Variants in RALGPS2 observed in about 807,000 individuals in gnomAD.
RALGPS2 encodes Ral GEF with PH domain and SH3 binding motif 2, also known as ras-specific guanine nucleotide-releasing factor RalGPS2.
Under a neutral mutation model 86.8 loss-of-function variants are expected in RALGPS2, and 43 were observed. That is an observed-to-expected ratio of 0.50 (90% CI 0.39 to 0.64). The LOEUF is 0.64. RALGPS2 is among the 30% of genes least tolerant of loss of function. The pLI, the probability that RALGPS2 is intolerant of heterozygous loss-of-function variation, is 0.00. For missense variants in RALGPS2, 536 were observed against 694.6 expected (o/e 0.77, Z 2.57); for synonymous variants, 243 against 231.3 (o/e 1.05, Z -0.46).
chr1:178,773,979 G>A lies in RALGPS2; in HGVS notation c.-83-2703G>A, dbSNP rs528149016. Among the ~76,000 whole-genome samples, 8 of 152,280 alleles carry A rather than the reference G, an allele frequency of 5.3e-5. No homozygotes were observed. In the East Asian group the frequency reaches 9.6e-4, roughly 18 times the overall value. On this transcript the variant is annotated intron_variant, in intron 1 of 19. Transcript: ENST00000367635. Reference sequence around the variant, plus strand: ...GAGAAGGCCAGGTGCAGTGGCTGACGCCTGTAATCCCAGCACTTTGGGAGG... The same window carrying A: ...GAGAAGGCCAGGTGCAGTGGCTGACACCTGTAATCCCAGCACTTTGGGAGG...
chr1:178,747,331 T>G, intron 1 of RALGPS2: 7 of 1,519,930 alleles, frequency 4.6e-6, no homozygotes, highest in East Asian at 2.3e-5. Flanking sequence ...GAAAGTGAGA[T>G]ATTGTTCTGG....
At chr1:178,784,027 G>A (rs4652324) in intron 2 of RALGPS2, among the ~76,000 whole-genome samples, 70,734 of 151,908 alleles carry the variant, frequency 0.47, 17,746 homozygotes, top group African/African-American at 0.65. Flanking sequence ...TATAAAGCTA[G>A]TTTGTCTTTT....
At chr1:178,843,024 G>A (rs1310298395) in intron 8 of RALGPS2, among the ~76,000 whole-genome samples, 5 of 149,786 alleles carry the variant, frequency 3.3e-5, no homozygotes, top group African/African-American at 1.2e-4. Flanking sequence ...AGAGGATGTG[G>A]AGAAATAGGA....
At chr1:178,892,196 T>C in intron 14 of RALGPS2, 34 bp from the exon 15 acceptor site, 3 of 1,559,334 alleles carry the variant, frequency 1.9e-6, no homozygotes, top group Non-Finnish European at 2.7e-6. Context: ...TAAAAGTATA[T>C]GTAATATATA....
intron 1 of RALGPS2, among the ~76,000 whole-genome samples, chr1:178,767,333 A>T (rs994366610): frequency 7.4e-6 from 1 of 134,494 alleles, no homozygotes; most frequent in Non-Finnish European, 1.6e-5. Flanking sequence ...ATATTTCTTC[A>T]GTCTCTGAAG....
chr1:178,908,438 A>G (rs972252822), intron 19 of RALGPS2, among the ~76,000 whole-genome samples: 2 of 152,210 alleles, frequency 1.3e-5, no homozygotes, highest in African/African-American at 4.8e-5. Flanking sequence ...TCCTTTGGGT[A>G]TATGCTCAGT....
rs1408576739 is a variant in RALGPS2 at position 178,808,078 on chromosome 1, A to C, written c.247A>C (p.Lys83Gln). 13 of 1,611,276 alleles carry C rather than the reference A, an allele frequency of 8.1e-6. No homozygotes were observed. The highest frequency in any genetic ancestry group is 1.1e-5 in the Non-Finnish European group (13 of 1,178,106). ...AAGTTGTGGATGGAATAAAAAAGAA[A>C]AATATAGTTCTGCACCAAATGCAGT... is the stretch of plus-strand genomic sequence containing the variant. ...LSSCGWNKKE[K>Q]YSSAPNAVAF... Residue 83 changes from lysine to glutamine, a missense_variant, in exon 5 of 20, where the codon AAA (lysine) becomes CAA (glutamine). Lys to Gln is a moderately conservative substitution (Grantham distance 53). Transcript: ENST00000367635.
At chr1:178,839,100 C>G (rs547756399) in intron 8 of RALGPS2, among the ~76,000 whole-genome samples, 1 of 152,302 alleles carries the variant, frequency 6.6e-6, no homozygotes, top group East Asian at 1.9e-4. Context: ...AGGATATTAT[C>G]CAGGAGAACT....
chr1:178,845,019 A>C (rs1656799917), intron 8 of RALGPS2, among the ~76,000 whole-genome samples: 2 of 151,992 alleles, frequency 1.3e-5, no homozygotes, highest in African/African-American at 4.8e-5. Flanking sequence ...GTCTCTACTA[A>C]AAAATACAAA....
intron 14 of RALGPS2, among the ~76,000 whole-genome samples, chr1:178,890,576 A>C (rs1659676817): frequency 6.6e-6 from 1 of 151,982 alleles, no homozygotes; most frequent in African/African-American, 2.4e-5. Context: ...ATCAGTCACA[A>C]TTTATAAAAC....
intron 8 of RALGPS2, chr1:178,853,458 C>T: frequency 1.3e-6 from 1 of 783,042 alleles, no homozygotes; most frequent in Non-Finnish European, 1.8e-6. Flanking sequence ...ATTTTTTTGA[C>T]AGATGTAGAT....
At chr1:178,805,960 T>G (rs1055837124) in intron 4 of RALGPS2, among the ~76,000 whole-genome samples, 4 of 152,126 alleles carry the variant, frequency 2.6e-5, no homozygotes, top group African/African-American at 9.6e-5. Flanking sequence ...TTTTTCACTT[T>G]CAGAAACAGA....
chr1:178,765,270 T>C (rs909030640), intron 1 of RALGPS2, among the ~76,000 whole-genome samples: 13 of 152,008 alleles, frequency 8.6e-5, no homozygotes, highest in Non-Finnish European at 1.9e-4. Context: ...TTTTCTATTT[T>C]CCCTAAATGT....
intron 1 of RALGPS2, among the ~76,000 whole-genome samples, chr1:178,733,859 A>G (rs567919662): frequency 1.3e-5 from 2 of 152,362 alleles, no homozygotes; most frequent in South Asian, 2.1e-4. Flanking sequence ...GAGCAACAAA[A>G]CAAGCAAGAG....
At chr1:178,786,981 TG>T (rs1234316163) in intron 4 of RALGPS2, among the ~76,000 whole-genome samples, 10 of 152,022 alleles carry the variant, frequency 6.6e-5, no homozygotes, top group Non-Finnish European at 1.3e-4. Context: ...TCCACAATTC[TG>T]TGTTTTCCTA....
intron 19 of RALGPS2, among the ~76,000 whole-genome samples, chr1:178,907,783 G>A (rs551798153): frequency 1.2e-4 from 18 of 152,330 alleles, no homozygotes; most frequent in Admixed American, 1.0e-3. Flanking sequence ...AAAGCTTACA[G>A]AAGTATTTTT....
At position 178,877,626 on chromosome 1, in the gene RALGPS2, T is replaced by G; in HGVS notation, c.736T>G (p.Cys246Gly). The change falls in exon 9 of 20, where the codon TGT (cysteine) becomes GGT (glycine). Residue 246 changes from cysteine to glycine, a missense_variant. Around this residue, in one of 3 missense-constraint regions of RALGPS2, gnomAD observed 184 missense variants for 296.7 expected, o/e 0.62. Coordinates refer to ENST00000367635, the MANE Select transcript of RALGPS2 (RefSeq NM_152663.5). ...LRIISDLQQS[C>G]EYDIPMLPHV... ...AATAATTTCTGATTTACAGCAGTCT[T>G]GTGAATATGGTAAGTTTCTAGGGGA... 1.2e-6 allele frequency: 2 copies of G among 1,613,132 alleles called. No individual in the cohort carries two copies. The highest frequency in any genetic ancestry group is 1.7e-6 in the Non-Finnish European group (2 of 1,179,364).
intron 1 of RALGPS2, chr1:178,753,836 G>A (rs1034162559): frequency 1.3e-5 from 2 of 152,024 alleles, no homozygotes; most frequent in East Asian, 1.9e-4. Flanking sequence ...GCAGGTTGAA[G>A]GTTTTTTTTT....
At chr1:178,817,395 A>G (rs928131591) in intron 6 of RALGPS2, among the ~76,000 whole-genome samples, 3 of 148,806 alleles carry the variant, frequency 2.0e-5, no homozygotes, top group Non-Finnish European at 4.4e-5. Context: ...TGCTAACTCC[A>G]TTCTTTTCTC....
Sources: allele counts gnomAD v4.1 joint callset (sites outside exome capture counted in the v4.1 genomes callset), GRCh38; gene constraint gnomAD v4.1.1; regional missense constraint gnomAD v4.1.1; transcripts MANE v1.5; gene names NCBI Gene and HGNC (gene_info 2026-07-23, HGNC 2026-07-21).